Variants in IGF2R observed in about 807,000 individuals in gnomAD.
IGF2R encodes cation-independent mannose-6-phosphate receptor.
IGF2R carries 91 observed loss-of-function variants against 270.6 expected under a neutral mutation model. The observed-to-expected ratio is 0.34, with a 90% CI of 0.28 to 0.40. IGF2R has a LOEUF of 0.40. Ranked by LOEUF, IGF2R falls within the 10% of genes least tolerant of loss-of-function variation. The pLI is 1.00. For synonymous variants in IGF2R, 1,316 were observed against 1,258.9 expected, an observed-to-expected ratio of 1.05 and a Z score of -0.96; for missense variants, 2,805 against 3,188.3, an observed-to-expected ratio of 0.88 and a Z score of 2.90.
chr6:160,069,579 C>T (rs537853556), intron 30 of IGF2R, among the ~76,000 whole-genome samples: 2 of 152,312 alleles, frequency 1.3e-5, no homozygotes, highest in South Asian at 4.1e-4. Context: ...ATATAACCTT[C>T]ATCCTATATG....
intron 4 of IGF2R, among the ~76,000 whole-genome samples, chr6:160,019,702 TA>T (rs1225047052): frequency 6.6e-6 from 1 of 151,652 alleles, no homozygotes; most frequent in Non-Finnish European, 1.5e-5. Context: ...TTAAACAATT[TA>T]AAAAAAAGTC....
At position 160,072,903 on chromosome 6, in the gene IGF2R, C is replaced by T. The variant is rs374272747; in HGVS notation, c.4690+19C>T. ...GGCGTGGGTGAGTGCTGTGGTCTCT[C>T]GTGTGTTGTCTGACTCTCCCGTCCT... On this transcript the variant is annotated intron_variant, in intron 33 of 47. Coordinates refer to ENST00000356956, the MANE Select transcript of IGF2R (RefSeq NM_000876.4). 139 of 1,600,536 alleles carry T rather than the reference C, an allele frequency of 8.7e-5. No homozygotes were observed. The highest frequency in any genetic ancestry group is 1.1e-4 in the Non-Finnish European group (130 of 1,173,420).
chr6:160,003,541 T>C (rs965916912), intron 2 of IGF2R: 20 of 152,364 alleles, frequency 1.3e-4, no homozygotes, highest in African/African-American at 4.8e-4. Context: ...TGGGTATGGT[T>C]CAATAATTTA....
rs184158881 is a variant in IGF2R at position 160,050,263 on chromosome 6, A to G, written c.2515-210A>G. On this transcript the variant is annotated intron_variant, in intron 18 of 47. Coordinates refer to ENST00000356956, the MANE Select transcript of IGF2R (RefSeq NM_000876.4). This position sits in a 1 kb window ranked among gnomAD's most constrained non-coding sequence, Gnocchi z 4.0. ...CAGCATGCAGCCTGATTGGTGCTCA[A>G]TTGCATGCCTGGAACGCAGCATGCA... 3.7e-4 allele frequency among the ~76,000 whole-genome samples: 57 copies of G among 152,312 alleles called. 1 individual carries two copies. Among genetic ancestry groups the G allele is most frequent in the Admixed American group, 1.9e-3 (29 of 15,306 alleles).
chr6:159,995,194 T>C lies in IGF2R; in HGVS notation c.289+3871T>C, dbSNP rs372651734. On this transcript the variant is annotated intron_variant, in intron 2 of 47. Coordinates refer to ENST00000356956, the MANE Select transcript of IGF2R (RefSeq NM_000876.4). Reference sequence around the variant, plus strand: ...CCCGTTATCATTATTTAATGGTCTTTTTTTTTTCTTTTTTAACTATTATTG... The same window carrying C: ...CCCGTTATCATTATTTAATGGTCTTCTTTTTTTCTTTTTTAACTATTATTG... Among the ~76,000 whole-genome samples, 7 of 152,174 alleles carry C rather than the reference T, an allele frequency of 4.6e-5. No homozygotes were observed. The East Asian group carries it at 9.6e-4, about 21-fold the overall frequency.
At chr6:160,024,353 T>A (rs1435013303) in intron 4 of IGF2R, among the ~76,000 whole-genome samples, 2 of 151,966 alleles carry the variant, frequency 1.3e-5, no homozygotes, top group Admixed American at 6.6e-5. Context: ...TGAGAGGAGA[T>A]GATTGCACAA....
chr6:160,072,227 A>G (rs1778757339), intron 32 of IGF2R, among the ~76,000 whole-genome samples, 191 bp downstream of exon 32: 1 of 151,936 alleles, frequency 6.6e-6, no homozygotes, highest in African/African-American at 2.4e-5. Flanking sequence ...GCTCTCCTTC[A>G]GTGGAGGAGA....
intron 28 of IGF2R, 116 bp from the exon 29 acceptor site, chr6:160,064,687 GT>G: frequency 1.8e-6 from 2 of 1,091,612 alleles, no homozygotes; most frequent in Non-Finnish European, 2.7e-6. Flanking sequence ...ACTTTCATCA[GT>G]TAGTATTGAT....
rs540412713 is a variant in IGF2R, at chr6:160,110,256, G to C, written c.*5172G>C. The C allele has an allele frequency of 2.0e-4, 31 of 152,308 alleles. No homozygotes were observed. The highest frequency in any genetic ancestry group is 7.5e-4 in the African/African-American group (31 of 41,552). The allele number at this position is 152,308 out of a possible 1,614,324, so 9.4% of individuals were successfully genotyped here. On this transcript the variant is annotated 3_prime_UTR_variant, in exon 48 of 48. Transcript: ENST00000356956. The stretch of plus-strand genomic sequence containing the variant: ...TCTGTTGTTTTCCAGAGGCTCCCAC[G>C]GAGCATGCTGGGTGGGTGGTCTGTA...
At chr6:160,034,824 C>T (rs1354605618) in intron 10 of IGF2R, among the ~76,000 whole-genome samples, 1 of 152,178 alleles carries the variant, frequency 6.6e-6, no homozygotes, top group Non-Finnish European at 1.5e-5. Context: ...TTTTGGTGCA[C>T]ACTAAACTAC....
chr6:160,089,891 A>G, intron 43 of IGF2R, 25 bp from the exon 44 acceptor site: 1 of 1,503,198 alleles, frequency 6.7e-7, no homozygotes, highest in Non-Finnish European at 9.0e-7. Flanking sequence ...CTTCCATGTC[A>G]CTGTGATCTT....
At chr6:160,078,935 T>A (rs1260389399) in intron 37 of IGF2R, among the ~76,000 whole-genome samples, 1 of 152,164 alleles carries the variant, frequency 6.6e-6, no homozygotes, top group African/African-American at 2.4e-5. Context: ...TGGTCACTGG[T>A]GCCTGGGGGC....
intron 45 of IGF2R, among the ~76,000 whole-genome samples, chr6:160,097,917 G>A (rs1469498138): frequency 6.6e-6 from 1 of 152,172 alleles, no homozygotes; most frequent in African/African-American, 2.4e-5. Context: ...GCACAGTCAG[G>A]GAAAGAGGCT....
intron 39 of IGF2R, among the ~76,000 whole-genome samples, chr6:160,082,615 A>ATT (rs60210682): frequency 1.3e-5 from 2 of 151,726 alleles, no homozygotes; most frequent in East Asian, 1.9e-4. Flanking sequence ...CAGCTATCTT[A>ATT]TTTTTTTTCG....
At chr6:160,070,514 T>A (rs1778695912) in intron 31 of IGF2R, among the ~76,000 whole-genome samples, 1 of 152,154 alleles carries the variant, frequency 6.6e-6, no homozygotes, top group African/African-American at 2.4e-5. Flanking sequence ...TCCTGCCCAT[T>A]GCAGGGTTTC....
rs142589883 is a variant in IGF2R, at chr6:160,027,304, C to G, written c.766C>G (p.Arg256Gly). 73 of 1,613,098 alleles carry G rather than the reference C, an allele frequency of 4.5e-5. No homozygotes were observed. The East Asian group carries it at 1.5e-3, about 34-fold the overall frequency. The change falls in exon 6 of 48, where the codon CGC becomes GGC. Residue 256 changes from arginine (R) to glycine (G), a missense_variant. By Grantham distance (125) the Arg-to-Gly change is moderately radical. Around this residue, in one of 2 missense-constraint regions of IGF2R, gnomAD observed 954 missense variants for 981.1 expected, o/e 0.97. Transcript: ENST00000356956. ...GCCCCGGGACGGACTGAAGCTGGTG[C>G]GCAAGGACAGGTCAGTCAAGGCCTC... ...GQPRDGLKLVRKDRLVLSYVR... is the reference protein window; with the variant it reads ...GQPRDGLKLVGKDRLVLSYVR...
At chr6:160,034,564 T>C in intron 10 of IGF2R, 42 bp downstream of exon 10, 1 of 1,270,426 alleles carries the variant, frequency 7.9e-7, no homozygotes, top group Middle Eastern at 1.8e-4. Context: ...TTTGCATTCA[T>C]GGGCATGTGC....
intron 1 of IGF2R, among the ~76,000 whole-genome samples, chr6:159,988,512 C>CAAAAAAAAAAAA (rs59531292): frequency 2.0e-5 from 1 of 50,476 alleles, no homozygotes; most frequent in East Asian, 4.2e-4. Flanking sequence ...GACTCCGTCT[C>CAAAAAAAAAAAA]AAAAAAAAAA....
intron 1 of IGF2R, among the ~76,000 whole-genome samples, chr6:159,986,618 T>G (rs1293414994): frequency 6.6e-6 from 1 of 152,164 alleles, no homozygotes; most frequent in Non-Finnish European, 1.5e-5. Flanking sequence ...TTGTGTGTGT[T>G]TGAGTGAAGA....
Sources: allele counts gnomAD v4.1 joint callset (sites outside exome capture counted in the v4.1 genomes callset), GRCh38; gene constraint gnomAD v4.1.1; regional missense constraint gnomAD v4.1.1; non-coding constraint Gnocchi (gnomAD v3.1); transcripts MANE v1.5; gene names NCBI Gene and HGNC (gene_info 2026-07-23, HGNC 2026-07-21).